Variants in TANC2 observed in about 807,000 individuals in gnomAD.
TANC2 encodes protein TANC2.
TANC2 carries 26 observed loss-of-function variants against 210.5 expected under a neutral mutation model. The ratio of observed to expected loss-of-function variants is 0.12; its 90% confidence interval spans 0.09 to 0.17. The LOEUF is 0.17. Among genes scored for constraint, TANC2 ranks in the 10% least tolerant of loss-of-function variants. The pLI is 1.00. For synonymous variants in TANC2, 931 were observed against 967.1 expected (o/e 0.96, Z 0.69); for missense variants, 2,129 against 2,608.9 (o/e 0.82, Z 4.01).
chr17:63,032,951 G>A (rs531250824), intron 2 of TANC2, among the ~76,000 whole-genome samples: 6 of 152,122 alleles, frequency 3.9e-5, no homozygotes, highest in Non-Finnish European at 8.8e-5. Context: ...GGTGCCCATG[G>A]CTCCCTCCTT....
chr17:63,344,176 G>C (rs181854260), intron 12 of TANC2, among the ~76,000 whole-genome samples: 1 of 152,166 alleles, frequency 6.6e-6, no homozygotes, highest in African/African-American at 2.4e-5. Flanking sequence ...TGAACTATGC[G>C]TGCAAGGGAT....
At chr17:63,226,893 G>C (rs2042343119) in intron 7 of TANC2, among the ~76,000 whole-genome samples, 1 of 152,080 alleles carries the variant, frequency 6.6e-6, no homozygotes, top group Non-Finnish European at 1.5e-5. Context: ...TAGGATAATG[G>C]CTTTGAGCTG....
intron 9 of TANC2, among the ~76,000 whole-genome samples, chr17:63,288,199 T>C (rs2146398070): frequency 6.6e-6 from 1 of 152,336 alleles, no homozygotes. Flanking sequence ...TTCCCAGAAC[T>C]CTGTCCCTTG....
chr17:63,083,261 A>G (rs929464749), intron 3 of TANC2, among the ~76,000 whole-genome samples: 1 of 152,150 alleles, frequency 6.6e-6, no homozygotes, highest in Non-Finnish European at 1.5e-5. Context: ...CTTCATCCAG[A>G]CCAAGTGATG....
intron 3 of TANC2, among the ~76,000 whole-genome samples, chr17:63,077,965 T>C (rs2036630976): frequency 6.6e-6 from 1 of 152,138 alleles, no homozygotes; most frequent in Non-Finnish European, 1.5e-5. Context: ...ACTTTTCATT[T>C]TCTTGTTTTC....
chr17:63,094,575 A>G (rs1166976393), intron 3 of TANC2, among the ~76,000 whole-genome samples: 3 of 152,148 alleles, frequency 2.0e-5, no homozygotes, highest in African/African-American at 7.2e-5. Context: ...GGTTATTTTT[A>G]TTACTTGAAA....
intron 3 of TANC2, chr17:63,088,470 T>G (rs551768565): frequency 1.3e-5 from 2 of 152,240 alleles, no homozygotes; most frequent in Non-Finnish European, 2.9e-5. Context: ...CTCAAGACTT[T>G]CCTGAATTCA....
chr17:63,253,202 G>A (rs1470430511), intron 8 of TANC2, among the ~76,000 whole-genome samples: 1 of 152,122 alleles, frequency 6.6e-6, no homozygotes, highest in African/African-American at 2.4e-5. Context: ...TGATGTCAGT[G>A]ATGTTTAGCA....
intron 9 of TANC2, among the ~76,000 whole-genome samples, chr17:63,299,220 C>T (rs903446401): frequency 6.6e-5 from 10 of 152,122 alleles, no homozygotes; most frequent in African/African-American, 2.4e-4. Flanking sequence ...GTAAATAGTG[C>T]TGCAATAAAC....
chr17:63,165,792 G>A (rs1460383890), intron 5 of TANC2, among the ~76,000 whole-genome samples: 1 of 152,252 alleles, frequency 6.6e-6, no homozygotes, highest in Admixed American at 6.5e-5. Flanking sequence ...AGGAAATCCA[G>A]GCCAATAAGG....
At chr17:63,019,853 G>A (rs570112635) in intron 2 of TANC2, among the ~76,000 whole-genome samples, 2 of 152,046 alleles carry the variant, frequency 1.3e-5, no homozygotes, top group South Asian at 4.1e-4. Flanking sequence ...TTGAGAGTTC[G>A]CTATATATTC....
At chr17:63,198,259 G>A (rs912125240) in intron 6 of TANC2, among the ~76,000 whole-genome samples, 6 of 151,498 alleles carry the variant, frequency 4.0e-5, no homozygotes, top group African/African-American at 1.2e-4. Flanking sequence ...GCAGTGGCAC[G>A]ATCTTGGCTC....
chr17:63,169,581 C>G (rs888143030), intron 5 of TANC2, among the ~76,000 whole-genome samples: 1 of 152,134 alleles, frequency 6.6e-6, no homozygotes, highest in Non-Finnish European at 1.5e-5. Flanking sequence ...AATCCCATCA[C>G]TTTGGGATTG....
chr17:63,333,694 A>G (rs941010402), intron 11 of TANC2, among the ~76,000 whole-genome samples: 3 of 152,228 alleles, frequency 2.0e-5, no homozygotes, highest in Non-Finnish European at 2.9e-5. Flanking sequence ...AGAGTATCAC[A>G]TACTACAGAG....
chr17:63,237,047 T>G (rs1446499062), intron 7 of TANC2, among the ~76,000 whole-genome samples: 2 of 152,218 alleles, frequency 1.3e-5, no homozygotes, highest in African/African-American at 2.4e-5. Context: ...GTTCTATTTT[T>G]AGTTCTTTGA....
At chr17:63,118,940 GC>G (rs532303372) in intron 4 of TANC2, among the ~76,000 whole-genome samples, 108 of 151,730 alleles carry the variant, frequency 7.1e-4, no homozygotes, top group African/African-American at 2.5e-3. Flanking sequence ...CCACCACCAC[GC>G]CCGGCTAATT....
rs1401936891 is a variant in TANC2 at position 63,398,298 on chromosome 17, CTT to C, written c.3238-518_3238-517del. ...ACATCTCTGGGGAAGAAAAAAAAAACTTTTTTAATTAGCCAGGTGTGGTGGTG... is the reference window on the plus strand; with the variant it reads ...ACATCTCTGGGGAAGAAAAAAAAAACTTTTAATTAGCCAGGTGTGGTGGTG... On this transcript the variant is annotated intron_variant, in intron 18 of 27. Coordinates refer to ENST00000689528, the Ensembl canonical transcript of TANC2. Among the ~76,000 whole-genome samples, 3 of 151,812 alleles carry C rather than the reference CTT, an allele frequency of 2.0e-5. No homozygotes were observed. In the South Asian group the frequency reaches 6.3e-4, roughly 32 times the overall value.
intron 1 of TANC2, among the ~76,000 whole-genome samples, chr17:62,969,692 AGTGT>A (rs143764403): frequency 0.011 from 1,594 of 149,956 alleles, 21 homozygotes; most frequent in African/African-American, 0.035. Context: ...AGTTTAATAT[AGTGT>A]GTGTGTGTGT....
intron 7 of TANC2, among the ~76,000 whole-genome samples, chr17:63,226,562 A>C (rs2042333904): frequency 6.6e-6 from 1 of 152,220 alleles, no homozygotes; most frequent in Non-Finnish European, 1.5e-5. Context: ...CAAACACTGC[A>C]AATCAGAATT....
Sources: gnomAD v4.1 joint callset for allele counts (sites outside exome capture counted in the v4.1 genomes callset) on GRCh38, gnomAD v4.1.1 for gene constraint, MANE v1.5 for transcripts, NCBI Gene and HGNC (gene_info 2026-07-23, HGNC 2026-07-21) for gene names.